INTS4: variants seen among roughly 807,000 people sequenced by gnomAD.
INTS4 encodes MSTP093.
Under a neutral mutation model 119.5 loss-of-function variants are expected in INTS4, and 70 were observed. The ratio of observed to expected loss-of-function variants is 0.59; its 90% confidence interval spans 0.48 to 0.71. The LOEUF is 0.71. Among genes scored for constraint, INTS4 ranks in the 30% least tolerant of loss-of-function variants. INTS4 has a pLI of 0.00. For synonymous variants in INTS4, 316 were observed against 419.6 expected, an observed-to-expected ratio of 0.75 and a Z score of 3.02; for missense variants, 867 against 1,173.2, an observed-to-expected ratio of 0.74 and a Z score of 3.81.
chr11:77,886,080 T>A (rs1951994177), intron 21 of INTS4, among the ~76,000 whole-genome samples: 1 of 151,284 alleles, frequency 6.6e-6, no homozygotes. Context: ...GTGGTGTGTA[T>A]CTCTAGTTCC....
intron 4 of INTS4, among the ~76,000 whole-genome samples, chr11:77,962,288 A>G (rs1445910884): frequency 6.6e-6 from 1 of 152,200 alleles, no homozygotes; most frequent in African/African-American, 2.4e-5. Context: ...GCCTCCAAAA[A>G]AGAAGATATT....
intron 18 of INTS4, among the ~76,000 whole-genome samples, chr11:77,895,262 A>G (rs888259836): frequency 6.6e-6 from 1 of 152,130 alleles, no homozygotes; most frequent in African/African-American, 2.4e-5. Flanking sequence ...TTTCTTTAAT[A>G]TATTATTCAT....
intron 18 of INTS4, among the ~76,000 whole-genome samples, chr11:77,900,407 A>G (rs1210197490): frequency 1.3e-5 from 2 of 152,090 alleles, no homozygotes; most frequent in Non-Finnish European, 2.9e-5. Flanking sequence ...CCACATATGA[A>G]TATCTTTAAG....
At chr11:77,911,533 G>A (rs1428896813) in intron 15 of INTS4, among the ~76,000 whole-genome samples, 1 of 152,170 alleles carries the variant, frequency 6.6e-6, no homozygotes, top group African/African-American at 2.4e-5. Context: ...CCCTGCCCCG[G>A]AATTGTAGCA....
intron 8 of INTS4, among the ~76,000 whole-genome samples, chr11:77,952,259 G>A (rs1455207691): frequency 6.6e-6 from 1 of 152,170 alleles, no homozygotes; most frequent in Non-Finnish European, 1.5e-5. Context: ...TGTGTAACTG[G>A]ATACTCACCA....
At chr11:77,885,072 T>C (rs1267448311) in intron 21 of INTS4, among the ~76,000 whole-genome samples, 1 of 151,738 alleles carries the variant, frequency 6.6e-6, no homozygotes, top group East Asian at 2.0e-4. Context: ...CCCTTATTTC[T>C]TTTTCTTTTT....
chr11:77,879,671 A>G (rs1490292232), intron 22 of INTS4, among the ~76,000 whole-genome samples: 1 of 152,198 alleles, frequency 6.6e-6, no homozygotes, highest in African/African-American at 2.4e-5. Flanking sequence ...CTTTCATTAC[A>G]TTATCTTACG....
chr11:77,974,902 A>G (rs115521913), intron 4 of INTS4, among the ~76,000 whole-genome samples: 1,661 of 152,150 alleles, frequency 0.011, 31 homozygotes, highest in African/African-American at 0.037. Flanking sequence ...CCTCGACAGT[A>G]TCCTCACTTT....
chr11:77,960,151 T>C (rs910031337), intron 6 of INTS4, among the ~76,000 whole-genome samples, 190 bp downstream of exon 6: 1 of 152,138 alleles, frequency 6.6e-6, no homozygotes, highest in Non-Finnish European at 1.5e-5. Context: ...GTACTAGCGC[T>C]ATTTAATTAC....
At chr11:77,913,411 G>A (rs548437874) in intron 15 of INTS4, among the ~76,000 whole-genome samples, 25 of 148,904 alleles carry the variant, frequency 1.7e-4, no homozygotes, top group East Asian at 6.0e-4. Context: ...TCCCAGGTTC[G>A]CACCATTCTC....
At chr11:77,981,360 T>C (rs747244681) in intron 3 of INTS4, 99 bp downstream of exon 3, 142 of 489,330 alleles carry the variant, frequency 2.9e-4, no homozygotes, top group Middle Eastern at 1.7e-3. Context: ...CAAATTCCTC[T>C]TCAATAACAA....
intron 2 of INTS4, among the ~76,000 whole-genome samples, chr11:77,982,574 A>G (rs1856290370): frequency 2.0e-5 from 3 of 152,140 alleles, no homozygotes; most frequent in Non-Finnish European, 4.4e-5. Flanking sequence ...GTTTTAGCTT[A>G]GAGAGAGGGA....
chr11:77,899,984 C>T (rs535632627), intron 18 of INTS4, among the ~76,000 whole-genome samples: 113 of 151,942 alleles, frequency 7.4e-4, no homozygotes, highest in African/African-American at 2.6e-3. Context: ...TATATATAAA[C>T]TAAAAAAAAT....
intron 2 of INTS4, among the ~76,000 whole-genome samples, chr11:77,985,582 T>G (rs1185819898): frequency 1.3e-5 from 2 of 152,188 alleles, no homozygotes; most frequent in Non-Finnish European, 2.9e-5. Flanking sequence ...CCAGATTTCA[T>G]AAGACCTGAA....
At chr11:77,896,197 G>A (rs533156490) in intron 18 of INTS4, among the ~76,000 whole-genome samples, 17 of 151,832 alleles carry the variant, frequency 1.1e-4, no homozygotes, top group Non-Finnish European at 1.5e-4. Context: ...TACAGAAACA[G>A]CAGATGACAA....
downstream of INTS4, among the ~76,000 whole-genome samples, chr11:77,878,237 C>G (rs1477048783): frequency 6.6e-6 from 1 of 152,016 alleles, no homozygotes; most frequent in African/African-American, 2.4e-5. Context: ...TGACAGGCGC[C>G]TGTAGTCCCA....
At chr11:77,925,715 C>A (rs1953482010) in intron 11 of INTS4, among the ~76,000 whole-genome samples, 2 of 152,354 alleles carry the variant, frequency 1.3e-5, no homozygotes, top group African/African-American at 2.4e-5. Context: ...AGGCTCTCCA[C>A]CTGTCCCTAA....
chr11:77,900,800 A>C, intron 18 of INTS4: 1 of 594,844 alleles, frequency 1.7e-6, no homozygotes, highest in Non-Finnish European at 3.0e-6. Context: ...CAGTTATCTG[A>C]AAGTCTTACA....
At chr11:77,933,798 C>G (rs976316588) in intron 10 of INTS4, among the ~76,000 whole-genome samples, 4 of 151,476 alleles carry the variant, frequency 2.6e-5, no homozygotes, top group Non-Finnish European at 4.4e-5. Flanking sequence ...GCCCGGCAGC[C>G]GCCCCGTCCG....
Sources: allele counts gnomAD v4.1 joint callset (sites outside exome capture counted in the v4.1 genomes callset), GRCh38; gene constraint gnomAD v4.1.1; transcripts MANE v1.5; gene names NCBI Gene and HGNC (gene_info 2026-07-23, HGNC 2026-07-21).